The following PRKCQ variants were observed in gnomAD, a reference collection of about 807,000 sequenced individuals.
The protein encoded by PRKCQ is protein kinase C theta type.
A neutral mutation model predicts 91.2 loss-of-function variants in PRKCQ; 41 were observed. The ratio of observed to expected loss-of-function variants is 0.45; its 90% confidence interval spans 0.35 to 0.58. The LOEUF is 0.58. Ranked by LOEUF, PRKCQ falls within the 20% of genes least tolerant of loss-of-function variation. The pLI, the probability that PRKCQ is intolerant of heterozygous loss-of-function variation, is 0.00. For missense variants in PRKCQ, 673 were observed against 896.5 expected, an observed-to-expected ratio of 0.75 and a Z score of 3.18; for synonymous variants, 307 against 316.9, an observed-to-expected ratio of 0.97 and a Z score of 0.33.
chr10:6,494,175 G>C (rs1403791139), intron 7 of PRKCQ, among the ~76,000 whole-genome samples: 1 of 152,132 alleles, frequency 6.6e-6, no homozygotes, highest in Non-Finnish European at 1.5e-5. Context: ...CATCACCAAA[G>C]CTCCACACCC....
chr10:6,514,036 C>A lies in PRKCQ; in HGVS notation c.118+982G>T, dbSNP rs1432327786. Among the ~76,000 whole-genome samples the A allele has an allele frequency of 3.3e-5, 5 of 152,138 alleles. No homozygotes were observed. The East Asian group carries it at 9.6e-4, about 29-fold the overall frequency. On this transcript the variant is annotated intron_variant, in intron 2 of 17. Transcript: ENST00000263125. Reference sequence around the variant, plus strand: ...GATGCTCTAAAGGGAAGGCAGTCTTCCTGAGTTCCTTCAGCTTACTTGTTT... The same window carrying A: ...GATGCTCTAAAGGGAAGGCAGTCTTACTGAGTTCCTTCAGCTTACTTGTTT...
Position 6,428,091 on chromosome 10 carries a change from C to A in PRKCQ, c.*116G>T, listed in dbSNP as rs11814744. On this transcript the variant is annotated 3_prime_UTR_variant, in exon 18 of 18. Coordinates refer to ENST00000263125, the MANE Select transcript of PRKCQ (RefSeq NM_006257.5). ...CACATGGGGGCGAACGGGTCTCAGT[C>A]TTTATTGTTGAGTGTTTCTTTCTTT... 5,617 of 1,368,746 alleles carry A rather than the reference C, an allele frequency of 4.1e-3. 196 individuals carry two copies. The African/African-American group carries it at 0.071, about 17-fold the overall frequency. The allele number at this position is 1,368,746 out of a possible 1,614,324, so 84.8% of individuals were successfully genotyped here. A position where few individuals can be genotyped will look rare whatever the true frequency, so the allele number is the denominator to read the frequency against.
intron 9 of PRKCQ, 148 bp downstream of exon 9, chr10:6,485,887 C>T (rs1836885481): frequency 1.6e-6 from 1 of 616,686 alleles, no homozygotes. Flanking sequence ...GGGGTGTGGG[C>T]ATGGATATGA....
At chr10:6,545,712 T>G (rs1009506440) in intron 1 of PRKCQ, among the ~76,000 whole-genome samples, 1 of 152,178 alleles carries the variant, frequency 6.6e-6, no homozygotes, top group African/African-American at 2.4e-5. Context: ...CCCTGAACCG[T>G]ACACTTCAAA....
At chr10:6,479,910 C>T (rs750261153) in intron 11 of PRKCQ, among the ~76,000 whole-genome samples, 1 of 151,760 alleles carries the variant, frequency 6.6e-6, no homozygotes, top group Non-Finnish European at 1.5e-5. Context: ...TGAGATCATG[C>T]CACTGCACTC....
At chr10:6,542,177 C>T (rs1402488213) in intron 1 of PRKCQ, among the ~76,000 whole-genome samples, 1 of 152,208 alleles carries the variant, frequency 6.6e-6, no homozygotes, top group Non-Finnish European at 1.5e-5. Context: ...AAACTGCTTA[C>T]CCTCTGTGGG....
intron 15 of PRKCQ, 25 bp from the exon 16 acceptor site, chr10:6,442,106 A>C (rs1834001291): frequency 6.2e-7 from 1 of 1,600,666 alleles, no homozygotes; most frequent in Admixed American, 1.7e-5. Context: ...GGCAGACAGG[A>C]AATTAACAGG....
At chr10:6,412,863 C>T in the PRKCQ span, among the ~76,000 whole-genome samples, 1 of 152,258 alleles carries the variant, frequency 6.6e-6, no homozygotes, top group East Asian at 1.9e-4. Flanking sequence ...ATTGTCAGTA[C>T]TCCTAGGCTG....
chr10:6,536,391 G>A (rs1196083730), intron 1 of PRKCQ, among the ~76,000 whole-genome samples: 6 of 152,176 alleles, frequency 3.9e-5, no homozygotes, highest in Non-Finnish European at 5.9e-5. Context: ...TGACATGGGA[G>A]GGATGTCCAC....
intron 4 of PRKCQ, among the ~76,000 whole-genome samples, chr10:6,504,172 AGTAT>A (rs1838065873): frequency 6.6e-6 from 1 of 152,234 alleles, no homozygotes; most frequent in South Asian, 2.1e-4. Context: ...TCTCTGCAAC[AGTAT>A]TTTCTTTTAG....
intron 1 of PRKCQ, among the ~76,000 whole-genome samples, chr10:6,523,384 G>A (rs541497683): frequency 1.9e-4 from 29 of 152,238 alleles, no homozygotes; most frequent in South Asian, 1.7e-3. Context: ...CCAGGATGTC[G>A]AGGCTGCAGT....
At chr10:6,530,236 A>G (rs1004913895) in intron 1 of PRKCQ, among the ~76,000 whole-genome samples, 2 of 152,186 alleles carry the variant, frequency 1.3e-5, no homozygotes, top group Admixed American at 1.3e-4. Flanking sequence ...CCATGAATAG[A>G]GACATGGCTG....
At position 6,506,613 on chromosome 10, in the gene PRKCQ, A is replaced by G. The variant is rs116200380; in HGVS notation, c.379+823T>C. 9.4e-3 allele frequency among the ~76,000 whole-genome samples: 1,428 copies of G among 152,346 alleles called. 17 individuals are homozygous for G. Among genetic ancestry groups the G allele is most frequent in the African/African-American group, 0.032 (1,339 of 41,572 alleles). On this transcript the variant is annotated intron_variant, in intron 4 of 17. Transcript: ENST00000263125. ...TATCTAGTGAGTGTTCAAGTTTTCTATGATTATTTCATAATATTGTTTTCT... is the reference window on the plus strand; with the variant it reads ...TATCTAGTGAGTGTTCAAGTTTTCTGTGATTATTTCATAATATTGTTTTCT...
intron 9 of PRKCQ, 48 bp from the exon 10 acceptor site, chr10:6,485,317 G>A (rs1293873103): frequency 7.0e-7 from 1 of 1,436,100 alleles, no homozygotes; most frequent in Admixed American, 1.7e-5. Context: ...CACCATTGAT[G>A]GAACAGCTCA....
At chr10:6,425,887 T>G (rs966788838), downstream of PRKCQ, among the ~76,000 whole-genome samples, 3 of 152,156 alleles carry the variant, frequency 2.0e-5, no homozygotes, top group Non-Finnish European at 4.4e-5. Flanking sequence ...GGTTCCTGTT[T>G]CTAAGAGCCA....
the PRKCQ span, among the ~76,000 whole-genome samples, chr10:6,410,365 G>A: frequency 1.3e-5 from 2 of 152,204 alleles, no homozygotes; most frequent in African/African-American, 4.8e-5. Flanking sequence ...GCTCTTAATT[G>A]GAATTGGAAG....
intron 11 of PRKCQ, among the ~76,000 whole-genome samples, chr10:6,481,741 G>A (rs567927357): frequency 1.3e-5 from 2 of 152,296 alleles, no homozygotes; most frequent in East Asian, 1.9e-4. Context: ...CAGTTGTGGT[G>A]TATAATGCTG....
At chr10:6,490,218 C>T (rs1837207496) in intron 8 of PRKCQ, among the ~76,000 whole-genome samples, 1 of 152,028 alleles carries the variant, frequency 6.6e-6, no homozygotes, top group Non-Finnish European at 1.5e-5. Context: ...AACCTAACCC[C>T]TCCTGCCTCC....
intron 16 of PRKCQ, among the ~76,000 whole-genome samples, chr10:6,433,531 C>A (rs547236739): frequency 6.6e-6 from 1 of 152,044 alleles, no homozygotes; most frequent in African/African-American, 2.4e-5. Flanking sequence ...CATTTTATCT[C>A]GGTTGCCTGT....
Sources: allele counts gnomAD v4.1 joint callset (sites outside exome capture counted in the v4.1 genomes callset), GRCh38; gene constraint gnomAD v4.1.1; transcripts MANE v1.5; gene names NCBI Gene and HGNC (gene_info 2026-07-23, HGNC 2026-07-21).